ZNF609: variants seen among roughly 807,000 people sequenced by gnomAD.
ZNF609 encodes zinc finger protein 609.
A neutral mutation model predicts 109.5 loss-of-function variants in ZNF609; 11 were observed. The ratio of observed to expected loss-of-function variants is 0.10; its 90% CI spans 0.06 to 0.17. The LOEUF is 0.17. ZNF609 is among the 10% of genes least tolerant of loss of function. The probability of loss-of-function intolerance (pLI) is 1.00; values close to 1 mark genes in which losing one functional copy is unlikely to be tolerated. For synonymous variants in ZNF609, 646 were observed against 662.0 expected (o/e 0.98, Z 0.37); for missense variants, 1,559 against 1,772.4 (o/e 0.88, Z 2.16).
At chr15:64,490,030 C>G (rs887333345) in intron 1 of ZNF609, among the ~76,000 whole-genome samples, 2 of 152,208 alleles carry the variant, frequency 1.3e-5, no homozygotes, top group African/African-American at 4.8e-5. Context: ...ATGATCACAG[C>G]TCACTGCAGC....
At chr15:64,638,078 T>C (rs115172842) in intron 3 of ZNF609, among the ~76,000 whole-genome samples, 1,937 of 143,860 alleles carry the variant, frequency 0.013, 32 homozygotes, top group African/African-American at 0.046. Context: ...ATCTGGAATT[T>C]ATTTTTGTTT....
chr15:64,532,379 T>C lies in ZNF609; in HGVS notation c.747+32213T>C, dbSNP rs74465425. On this transcript the variant is annotated intron_variant, in intron 2 of 9. Transcript: ENST00000326648. Reference sequence around the variant, plus strand: ...AAACTCTACCAAGGCAGAGATTTTGTTTTCTTTTGTTTTGCTTTGTGAATC... The same window carrying C: ...AAACTCTACCAAGGCAGAGATTTTGCTTTCTTTTGTTTTGCTTTGTGAATC... 6.0e-3 allele frequency among the ~76,000 whole-genome samples: 921 copies of C among 152,322 alleles called. 12 individuals carry two copies. Among genetic ancestry groups the C allele is most frequent in the African/African-American group, 0.021 (885 of 41,562 alleles).
At chr15:64,660,067 T>G (rs1896551344) in intron 3 of ZNF609, among the ~76,000 whole-genome samples, 1 of 152,116 alleles carries the variant, frequency 6.6e-6, no homozygotes, top group Non-Finnish European at 1.5e-5. Context: ...ACTCCTGACC[T>G]CAGGTGATCT....
intron 2 of ZNF609, among the ~76,000 whole-genome samples, chr15:64,596,094 G>A (rs1399274330): frequency 6.6e-6 from 1 of 152,084 alleles, no homozygotes; most frequent in Non-Finnish European, 1.5e-5. Context: ...TTTTTCCATG[G>A]TGTGTCTAGT....
At chr15:64,538,392 CTTTAG>C (rs946771414) in intron 2 of ZNF609, among the ~76,000 whole-genome samples, 3 of 152,230 alleles carry the variant, frequency 2.0e-5, no homozygotes, top group South Asian at 4.1e-4. Flanking sequence ...GAGGCTTTTG[CTTTAG>C]TTTATAGACT....
intron 2 of ZNF609, among the ~76,000 whole-genome samples, chr15:64,562,624 C>T (rs79699162): frequency 1.3e-5 from 2 of 152,034 alleles, no homozygotes; most frequent in African/African-American, 4.8e-5. Flanking sequence ...TATTACACTT[C>T]TCAAGTTTAG....
rs770815906 is a variant in ZNF609, at chr15:64,674,562, C to G, written c.1708C>G (p.Arg570Gly). 1.2e-6 allele frequency: 2 copies of G among 1,614,064 alleles called. No homozygotes were observed. Among genetic ancestry groups the G allele is most frequent in the Non-Finnish European group, 1.7e-6 (2 of 1,180,018 alleles). Reference protein sequence around the residue: ...SPARSATPKVRLVEPHSPSPS... With the variant: ...SPARSATPKVGLVEPHSPSPS... ...TGCCCGCTCAGCTACCCCCAAAGTT[C>G]GACTTGTAGAGCCCCATAGCCCTTC... The change falls in exon 5 of 10, where the codon CGA (arginine) becomes GGA (glycine). Residue 570 changes from arginine (R) to glycine (G), a missense_variant. Arg to Gly is a moderately radical substitution (Grantham distance 125). Around this residue, in one of 4 missense-constraint regions of ZNF609, gnomAD observed 1,204 missense variants for 1,314.1 expected, o/e 0.92. Coordinates refer to ENST00000326648, the MANE Select transcript of ZNF609 (RefSeq NM_015042.2).
chr15:64,585,757 T>A (rs1384944302), intron 2 of ZNF609, among the ~76,000 whole-genome samples: 4 of 152,242 alleles, frequency 2.6e-5, no homozygotes, highest in African/African-American at 9.6e-5. Flanking sequence ...GCATTCTGCG[T>A]AATAAAATTC....
chr15:64,483,256 C>G (rs1893282467), intron 1 of ZNF609, among the ~76,000 whole-genome samples: 1 of 152,068 alleles, frequency 6.6e-6, no homozygotes, highest in Non-Finnish European at 1.5e-5. Flanking sequence ...CCACCACGCT[C>G]AGCTAATTTT....
At chr15:64,605,074 G>A (rs1030338370) in intron 2 of ZNF609, among the ~76,000 whole-genome samples, 17 of 151,930 alleles carry the variant, frequency 1.1e-4, no homozygotes, top group African/African-American at 3.1e-4. Context: ...CTCGTGATCC[G>A]CCCACCTCAG....
intron 2 of ZNF609, among the ~76,000 whole-genome samples, chr15:64,527,994 C>A (rs1893994989): frequency 6.6e-6 from 1 of 152,172 alleles, no homozygotes; most frequent in Non-Finnish European, 1.5e-5. Context: ...GTTGCTCAGA[C>A]TTCCGAATGA....
At position 64,680,878 on chromosome 15, in the gene ZNF609, C is replaced by T. The variant is rs762837065; in HGVS notation, c.4162+16C>T. The stretch of plus-strand genomic sequence containing the variant: ...TATGCAGCAGGTAAGCCTGTTTTCC[C>T]TACCACCTGTTGTTTTGTCTTGTTT... On this transcript the variant is annotated intron_variant, in intron 8 of 9. Transcript: ENST00000326648. The T allele has an allele frequency of 5.0e-6, 8 of 1,605,306 alleles. No individual in the cohort carries two copies. The highest frequency in any genetic ancestry group is 2.2e-5 in the East Asian group (1 of 44,886).
chr15:64,488,176 T>C (rs1893358573), intron 1 of ZNF609, among the ~76,000 whole-genome samples: 1 of 152,142 alleles, frequency 6.6e-6, no homozygotes, highest in South Asian at 2.1e-4. Context: ...TCTTAATGAA[T>C]CTGAATTCTT....
intron 1 of ZNF609, among the ~76,000 whole-genome samples, chr15:64,468,659 T>C (rs1169204581): frequency 2.0e-5 from 3 of 152,016 alleles, no homozygotes; most frequent in African/African-American, 4.8e-5. Context: ...CAAGCAGTCC[T>C]CCTTCCATGG....
chr15:64,553,098 ACT>A (rs1223783748), intron 2 of ZNF609, among the ~76,000 whole-genome samples: 4 of 151,748 alleles, frequency 2.6e-5, no homozygotes, highest in African/African-American at 7.3e-5. Context: ...CTATTTCTGG[ACT>A]CTCTGATTTG....
intron 1 of ZNF609, among the ~76,000 whole-genome samples, chr15:64,498,628 T>C (rs1157846131): frequency 6.6e-6 from 1 of 152,208 alleles, no homozygotes; most frequent in Admixed American, 6.5e-5. Context: ...CCTGGAGTTT[T>C]AGAAGGCTGT....
At chr15:64,570,003 C>G (rs181227620) in intron 2 of ZNF609, among the ~76,000 whole-genome samples, 10 of 152,240 alleles carry the variant, frequency 6.6e-5, no homozygotes, top group Middle Eastern at 3.4e-3. Context: ...TACAATATCT[C>G]TATGAGATAG....
chr15:64,630,879 A>G (rs925051781), intron 3 of ZNF609, among the ~76,000 whole-genome samples: 6 of 152,234 alleles, frequency 3.9e-5, no homozygotes, highest in Non-Finnish European at 5.9e-5. Context: ...TATTTCATAA[A>G]TAATATTTGG....
intron 2 of ZNF609, among the ~76,000 whole-genome samples, chr15:64,520,563 A>C (rs930369587): frequency 6.6e-6 from 1 of 152,104 alleles, no homozygotes; most frequent in Non-Finnish European, 1.5e-5. Flanking sequence ...AGTTTTTATT[A>C]TCCCCAAATC....
Sources: gnomAD v4.1 joint callset for allele counts (sites outside exome capture counted in the v4.1 genomes callset) on GRCh38, gnomAD v4.1.1 for gene constraint, gnomAD v4.1.1 regional missense constraint, MANE v1.5 for transcripts, NCBI Gene and HGNC (gene_info 2026-07-23, HGNC 2026-07-21) for gene names.